Variants in GRIA4 observed in about 807,000 individuals in gnomAD.
GRIA4 encodes glutamate receptor 4.
Under a neutral mutation model 104.0 loss-of-function variants are expected in GRIA4, and 34 were observed. The ratio of observed to expected loss-of-function variants is 0.33; its 90% CI spans 0.25 to 0.44. The LOEUF (loss-of-function observed/expected upper bound fraction) is 0.44. GRIA4 is among the 20% of genes least tolerant of loss of function. The pLI is 1.00. For missense variants in GRIA4, 750 were observed against 1,096.5 expected (o/e 0.68, Z 4.46); for synonymous variants, 386 against 381.9 (o/e 1.01, Z -0.13).
At chr11:105,918,134 G>T (rs1191664982) in intron 10 of GRIA4, among the ~76,000 whole-genome samples, 1 of 152,000 alleles carries the variant, frequency 6.6e-6, no homozygotes, top group African/African-American at 2.4e-5. Context: ...AACTATTTAA[G>T]AATTTTTTAA....
chr11:105,754,275 A>G (rs756054610), intron 4 of GRIA4, among the ~76,000 whole-genome samples: 2 of 152,160 alleles, frequency 1.3e-5, no homozygotes, highest in African/African-American at 4.8e-5. Context: ...TACATATATC[A>G]TAATAACTAC....
At chr11:105,797,997 A>G in intron 4 of GRIA4, 2 of 351,502 alleles carry the variant, frequency 5.7e-6, no homozygotes, top group Non-Finnish European at 1.1e-5. Context: ...TTGAGCACCT[A>G]CTATGTGCCA....
intron 14 of GRIA4, among the ~76,000 whole-genome samples, chr11:105,939,559 A>AT (rs906167700): frequency 1.8e-4 from 27 of 151,980 alleles, no homozygotes; most frequent in East Asian, 3.9e-4. Context: ...CCAGAAAGAT[A>AT]TTTTTTTTGT....
intron 3 of GRIA4, among the ~76,000 whole-genome samples, chr11:105,752,695 TA>T (rs370550476): frequency 1.1e-4 from 16 of 152,278 alleles, no homozygotes; most frequent in African/African-American, 3.1e-4. Context: ...TGGAAGGCCA[TA>T]TTTTTTTTAT....
intron 3 of GRIA4, among the ~76,000 whole-genome samples, chr11:105,736,774 A>G (rs1361887032): frequency 6.6e-6 from 1 of 152,138 alleles, no homozygotes; most frequent in Non-Finnish European, 1.5e-5. Context: ...CTATTCTAAC[A>G]TATGTTATTA....
At chr11:105,652,388 T>C (rs1459478058) in intron 3 of GRIA4, among the ~76,000 whole-genome samples, 1 of 152,138 alleles carries the variant, frequency 6.6e-6, no homozygotes, top group African/African-American at 2.4e-5. Flanking sequence ...CGAGGTAGGC[T>C]GGGCTGAGTA....
chr11:105,821,629 G>A (rs768366775), intron 4 of GRIA4, among the ~76,000 whole-genome samples: 10 of 151,726 alleles, frequency 6.6e-5, no homozygotes, highest in African/African-American at 2.4e-4. Context: ...CAGCCATGAG[G>A]GATCCACCCC....
intron 4 of GRIA4, among the ~76,000 whole-genome samples, chr11:105,764,628 G>T (rs949981036): frequency 6.6e-6 from 1 of 151,918 alleles, no homozygotes; most frequent in Non-Finnish European, 1.5e-5. Flanking sequence ...ATTGATTTAC[G>T]TAAGAACTAT....
At position 105,693,484 on chromosome 11, in the gene GRIA4, A is replaced by C. The variant is rs1953160992; in HGVS notation, c.248-59497A>C. The stretch of plus-strand genomic sequence containing the variant: ...TTTTTTTTTAAACTCAAGACTTTAA[A>C]AAAGGGAATGTAAATATTCTAGAGA... On this transcript the variant is annotated intron_variant, in intron 3 of 16. Coordinates refer to ENST00000282499, the MANE Select transcript of GRIA4 (RefSeq NM_000829.4). Among the ~76,000 whole-genome samples, 4 of 152,182 alleles carry C rather than the reference A, an allele frequency of 2.6e-5. No individual in the cohort carries two copies. In the South Asian group the frequency reaches 8.3e-4, roughly 31 times the overall value.
At chr11:105,824,175 A>C (rs1943680166) in intron 4 of GRIA4, among the ~76,000 whole-genome samples, 1 of 152,086 alleles carries the variant, frequency 6.6e-6, no homozygotes, top group Non-Finnish European at 1.5e-5. Context: ...GCCTTAGCAG[A>C]CCAATACAGT....
At chr11:105,853,164 C>A (rs567893113) in intron 4 of GRIA4, among the ~76,000 whole-genome samples, 3 of 152,240 alleles carry the variant, frequency 2.0e-5, no homozygotes, top group East Asian at 3.9e-4. Flanking sequence ...CTATCTTGCA[C>A]CCTCAATTAA....
intron 10 of GRIA4, among the ~76,000 whole-genome samples, chr11:105,911,120 G>A (rs1947220844): frequency 6.6e-6 from 1 of 151,898 alleles, no homozygotes; most frequent in African/African-American, 2.4e-5. Context: ...TGAGAAAAGG[G>A]TTTTCTTCCA....
Position 105,700,958 on chromosome 11 carries a change from A to G in GRIA4, c.248-52023A>G, listed in dbSNP as rs534677214. ...CATGAAAGGCTATCCATGAACATTT[A>G]TGCCTCACTCACCAGCTTCTCAACC... On this transcript the variant is annotated intron_variant, in intron 3 of 16. Transcript: ENST00000282499. 2.0e-5 allele frequency among the ~76,000 whole-genome samples: 3 copies of G among 152,258 alleles called. No individual in the cohort carries two copies. In the East Asian group the frequency reaches 5.8e-4, roughly 29 times the overall value.
At chr11:105,846,166 A>G (rs1289213786) in intron 4 of GRIA4, among the ~76,000 whole-genome samples, 30 of 152,236 alleles carry the variant, frequency 2.0e-4, no homozygotes. Context: ...GGAAATCTGC[A>G]TATACCATTT....
chr11:105,771,164 C>T (rs949537384), intron 4 of GRIA4, among the ~76,000 whole-genome samples: 13 of 152,038 alleles, frequency 8.6e-5, no homozygotes, highest in Non-Finnish European at 1.8e-4. Flanking sequence ...AAAGCATACT[C>T]TACAAAGCTT....
intron 4 of GRIA4, among the ~76,000 whole-genome samples, chr11:105,758,717 T>G (rs1940452129): frequency 6.6e-6 from 1 of 152,160 alleles, no homozygotes; most frequent in Non-Finnish European, 1.5e-5. Flanking sequence ...TTAACAGATG[T>G]GCTTTATAAT....
intron 10 of GRIA4, among the ~76,000 whole-genome samples, chr11:105,915,165 G>A (rs566730658): frequency 5.9e-5 from 9 of 152,262 alleles, no homozygotes; most frequent in Admixed American, 3.3e-4. Context: ...AAGCCTAGCC[G>A]TTCTCTCCTT....
chr11:105,967,161 A>G (rs964449816), intron 14 of GRIA4, among the ~76,000 whole-genome samples: 1 of 129,714 alleles, frequency 7.7e-6, no homozygotes, highest in Non-Finnish European at 1.6e-5. Flanking sequence ...ATTCCATTAG[A>G]AAAAATTTAG....
intron 2 of GRIA4, among the ~76,000 whole-genome samples, chr11:105,611,372 CG>C (rs1555080403): frequency 6.6e-6 from 1 of 151,894 alleles, no homozygotes; most frequent in Non-Finnish European, 1.5e-5. Flanking sequence ...GGAAAGTCTT[CG>C]GGGAATTTGG....
Sources: gnomAD v4.1 joint callset for allele counts (sites outside exome capture counted in the v4.1 genomes callset) on GRCh38, gnomAD v4.1.1 for gene constraint, MANE v1.5 for transcripts, NCBI Gene and HGNC (gene_info 2026-07-23, HGNC 2026-07-21) for gene names.